The following ZNF462 variants were observed in gnomAD, a reference collection of about 807,000 sequenced individuals.
ZNF462 encodes the protein zinc finger protein 462, also known as zinc finger PBX1-interacting protein.
ZNF462 carries 10 observed loss-of-function variants against 201.9 expected under a neutral mutation model. The observed-to-expected ratio is 0.05, with a 90% CI of 0.03 to 0.08. The LOEUF (loss-of-function observed/expected upper bound fraction) is 0.08. Among genes scored for constraint, ZNF462 ranks in the 10% least tolerant of loss-of-function variants. The pLI, the probability that ZNF462 is intolerant of heterozygous loss-of-function variation, is 1.00. For missense variants in ZNF462, 2,523 were observed against 3,168.3 expected (o/e 0.80, Z 4.89); for synonymous variants, 1,227 against 1,193.3 (o/e 1.03, Z -0.58).
chr9:106,862,302 G>A (rs576627476), upstream of ZNF462, among the ~76,000 whole-genome samples: 21 of 152,246 alleles, frequency 1.4e-4, no homozygotes, highest in African/African-American at 5.1e-4. This position sits in a 1 kb window ranked among gnomAD's most constrained non-coding sequence, Gnocchi z 4.2. Context: ...CCTCTAGATG[G>A]ATGCAAGTAA....
At chr9:106,891,489 C>T (rs1366470438) in intron 1 of ZNF462, among the ~76,000 whole-genome samples, 2 of 152,068 alleles carry the variant, frequency 1.3e-5, no homozygotes, top group African/African-American at 2.4e-5. Context: ...GAGCTCCATA[C>T]GGATTGACAT....
In ZNF462 at chr9:106,905,254, C is replaced by A. The variant is rs928299584; in HGVS notation, c.-30-18100C>A. Among the ~76,000 whole-genome samples, 2 of 152,180 alleles carry A rather than the reference C, an allele frequency of 1.3e-5. No individual in the cohort carries two copies. Among genetic ancestry groups the A allele is most frequent in the African/African-American group, 4.8e-5 (2 of 41,448 alleles). ...AACAGGCTGGTTGGGGGTTTCTGCA[C>A]AGAGTCCTGTGATGTGAATTGTCTA... On this transcript the variant is annotated intron_variant, in intron 1 of 12. Coordinates refer to ENST00000277225, the MANE Select transcript of ZNF462 (RefSeq NM_021224.6). The surrounding 1 kb of genome is among the most constrained non-coding windows in gnomAD (Gnocchi z 5.9).
rs1261313949 is a variant in ZNF462, at chr9:106,954,937, G to A, written c.6427+15830G>A. Among the ~76,000 whole-genome samples the A allele has an allele frequency of 6.6e-6, 1 of 152,114 alleles. No homozygotes were observed. Among genetic ancestry groups the A allele is most frequent in the African/African-American group, 2.4e-5 (1 of 41,432 alleles). ...GCTTCCTTCCTAGAGTAGATGTCCT[G>A]TAAATGTAAAATGAAAATTTGTTGT... On this transcript the variant is annotated intron_variant, in intron 7 of 12. Coordinates refer to ENST00000277225, the MANE Select transcript of ZNF462 (RefSeq NM_021224.6). This position sits in a 1 kb window ranked among gnomAD's most constrained non-coding sequence, Gnocchi z 4.0.
chr9:106,934,889 AG>A (rs1379560441), intron 5 of ZNF462, among the ~76,000 whole-genome samples: 1 of 152,166 alleles, frequency 6.6e-6, no homozygotes, highest in African/African-American at 2.4e-5. Flanking sequence ...GTGTATCAGA[AG>A]GGATGTGCGG....
rs771750190 is a variant in ZNF462 at position 106,971,372 on chromosome 9, A to ACAACAAC, written c.6428-633_6428-632insCAACAAC. On this transcript the variant is annotated intron_variant, in intron 7 of 12. Transcript: ENST00000277225. Reference sequence around the variant, plus strand: ...GCCATGCTGCGATTTCCTTTAAAAAAAAAAACAACAACAACAAAATAAAAC... The same window carrying ACAACAAC: ...GCCATGCTGCGATTTCCTTTAAAAAACAACAACAAAAACAACAACAACAAAATAAAAC... 8.9e-3 allele frequency among the ~76,000 whole-genome samples: 1,245 copies of ACAACAAC among 139,554 alleles called. 8 individuals carry two copies. Among genetic ancestry groups the ACAACAAC allele is most frequent in the African/African-American group, 0.031 (1,089 of 35,428 alleles). 91.6% of individuals were successfully genotyped at this position (139,554 alleles called of 152,430 possible). A position where few individuals can be genotyped will look rare whatever the true frequency, so the allele number is the denominator to read the frequency against.
intron 1 of ZNF462, among the ~76,000 whole-genome samples, chr9:106,911,390 T>C (rs1054373818): frequency 2.6e-5 from 4 of 152,170 alleles, no homozygotes; most frequent in Admixed American, 2.0e-4. Flanking sequence ...CTGTTCTAGC[T>C]GGTGGTCTCA....
At position 106,984,514 on chromosome 9, in the gene ZNF462, T is replaced by C; in HGVS notation, c.7056+105T>C. On this transcript the variant is annotated intron_variant, in intron 10 of 12. Transcript: ENST00000277225. The surrounding 1 kb of genome is among the most constrained non-coding windows in gnomAD (Gnocchi z 6.4). The stretch of plus-strand genomic sequence containing the variant: ...ACGACCACTGTGTACCAGATGGAGA[T>C]GTGGACTCAAAGAGCTTTTAAAGTG... 1.1e-6 allele frequency: 1 copy of C among 871,798 alleles called. No individual in the cohort carries two copies. The allele number at this position is 871,798 out of a possible 1,614,324, so 54.0% of individuals were successfully genotyped here.
At position 106,929,136 on chromosome 9, in the gene ZNF462, A is replaced by G; in HGVS notation, c.5224A>G (p.Lys1742Glu). The G allele has an allele frequency of 1.2e-6, 2 of 1,614,016 alleles. No homozygotes were observed. Among genetic ancestry groups the G allele is most frequent in the Non-Finnish European group, 1.7e-6 (2 of 1,179,990 alleles). ...ASRTISDKPNKVIIPSPPKDD... is the reference protein window; with the variant it reads ...ASRTISDKPNEVIIPSPPKDD... ...CAGGACCATCAGCGACAAGCCCAAC[A>G]AAGTGATCATCCCATCCCCGCCCAA... Residue 1742 changes from lysine (K) to glutamate (E), a missense_variant, in exon 3 of 13, where the codon AAA becomes GAA. By Grantham distance (56) the Lys-to-Glu change is moderately conservative. Around this residue, in one of 15 missense-constraint regions of ZNF462, gnomAD observed 207 missense variants for 231.6 expected, o/e 0.89. Coordinates refer to ENST00000277225, the MANE Select transcript of ZNF462 (RefSeq NM_021224.6). The surrounding 1 kb of genome is among the most constrained non-coding windows in gnomAD (Gnocchi z 8.7).
Position 107,009,809 on chromosome 9 carries a change from A to G in ZNF462, c.7313+141A>G. 1 of 1,263,948 alleles carries G rather than the reference A, an allele frequency of 7.9e-7. No individual in the cohort carries two copies. Among genetic ancestry groups the G allele is most frequent in the Non-Finnish European group, 1.1e-6 (1 of 934,476 alleles). 78.3% of individuals were successfully genotyped at this position (1,263,948 alleles called of 1,614,324 possible). ...GGCCGTGGGAGGAGAGGCAATGGTG[A>G]GGAACCAAGTTTCTCCTTTTCTGTT... On this transcript the variant is annotated intron_variant, in intron 12 of 12. Transcript: ENST00000277225. The surrounding 1 kb of genome is among the most constrained non-coding windows in gnomAD (Gnocchi z 6.1).
In ZNF462 at chr9:106,964,093, T is replaced by G. The variant is rs148209321; in HGVS notation, c.6428-7912T>G. ...CATGTTGATGAACACTTAGGTTGCT[T>G]CTACCTCCTGGCTATTGTAACTAAT... On this transcript the variant is annotated intron_variant, in intron 7 of 12. Coordinates refer to ENST00000277225, the MANE Select transcript of ZNF462 (RefSeq NM_021224.6). Among the ~76,000 whole-genome samples the G allele has an allele frequency of 1.3e-4, 20 of 152,062 alleles. No individual in the cohort carries two copies. In the East Asian group the frequency reaches 3.9e-3, roughly 29 times the overall value.
intron 10 of ZNF462, among the ~76,000 whole-genome samples, chr9:106,986,547 G>A (rs2132305205): frequency 6.6e-6 from 1 of 152,280 alleles, no homozygotes; most frequent in South Asian, 2.1e-4. Flanking sequence ...AATGGCAGCT[G>A]TGTTCCCAAA....
At chr9:106,943,878 G>A (rs1169838730) in intron 7 of ZNF462, among the ~76,000 whole-genome samples, 1 of 152,038 alleles carries the variant, frequency 6.6e-6, no homozygotes, top group Admixed American at 6.6e-5. Flanking sequence ...TTCCATTTAA[G>A]AGGCAGATCA....
rs35407666 is a variant in ZNF462 at position 106,913,605 on chromosome 9, C to CTT, written c.-30-9738_-30-9737dup. ...CAGAGGTCACATGCTAAAGACTTAA[C>CTT]TTTTTTTTTTTTGAGACAATCTCAT... is the stretch of plus-strand genomic sequence containing the variant. On this transcript the variant is annotated intron_variant, in intron 1 of 12. Transcript: ENST00000277225. This position sits in a 1 kb window ranked among gnomAD's most constrained non-coding sequence, Gnocchi z 4.1. Among the ~76,000 whole-genome samples, 37 of 136,010 alleles carry CTT rather than the reference C, an allele frequency of 2.7e-4. No homozygotes were observed. In the East Asian group the frequency reaches 5.8e-3, roughly 21 times the overall value. 89.2% of individuals were successfully genotyped at this position (136,010 alleles called of 152,430 possible).
chr9:106,927,587 G>A lies in ZNF462; in HGVS notation c.3675G>A (p.Val1225=). 1 of 1,613,838 alleles carries A rather than the reference G, an allele frequency of 6.2e-7. No homozygotes were observed. The highest frequency in any genetic ancestry group is 8.5e-7 in the Non-Finnish European group (1 of 1,179,922). ...KHRDFKANAD[V]IRQHTATIRS... The stretch of plus-strand genomic sequence containing the variant: ...GAGACTTCAAGGCCAATGCAGATGT[G>A]ATCCGGCAGCATACGGCCACCATTC... Residue 1225 remains valine, a synonymous_variant, in exon 3 of 13, where the codon GTG becomes GTA. Transcript: ENST00000277225.
In ZNF462 at chr9:106,919,238, G is replaced by A. The variant is rs1016051543; in HGVS notation, c.-30-4116G>A. Among the ~76,000 whole-genome samples the A allele has an allele frequency of 6.6e-6, 1 of 152,166 alleles. No individual in the cohort carries two copies. Among genetic ancestry groups the A allele is most frequent in the African/African-American group, 2.4e-5 (1 of 41,430 alleles). On this transcript the variant is annotated intron_variant, in intron 1 of 12. Transcript: ENST00000277225. The surrounding 1 kb of genome is among the most constrained non-coding windows in gnomAD (Gnocchi z 4.5). ...AGAGCAGTGTTTGCCAAGCTGACCTGGACCAAGTGATGGTGGCGGGCCTGT... is the reference window on the plus strand; with the variant it reads ...AGAGCAGTGTTTGCCAAGCTGACCTAGACCAAGTGATGGTGGCGGGCCTGT...
At chr9:106,922,674 G>A (rs1830034213) in intron 1 of ZNF462, among the ~76,000 whole-genome samples, 1 of 152,150 alleles carries the variant, frequency 6.6e-6, no homozygotes, top group Non-Finnish European at 1.5e-5. Flanking sequence ...GATTGAAGAA[G>A]CTGTTAGGTT....
intron 7 of ZNF462, among the ~76,000 whole-genome samples, chr9:106,947,812 C>T (rs1831175284): frequency 6.6e-6 from 1 of 152,136 alleles, no homozygotes; most frequent in African/African-American, 2.4e-5. Flanking sequence ...AGCAAAAACA[C>T]ATACCCAAGA....
rs1829372686 is a variant in ZNF462 at position 107,003,936 on chromosome 9, T to TA, written c.7189+512dup. On this transcript the variant is annotated intron_variant, in intron 11 of 12. Coordinates refer to ENST00000277225, the MANE Select transcript of ZNF462 (RefSeq NM_021224.6). This position sits in a 1 kb window ranked among gnomAD's most constrained non-coding sequence, Gnocchi z 4.4. Reference sequence around the variant, plus strand: ...CCCCTTTGTGCTCTGACTTGCTTTGTAAGGAGAGAGAAAGAGAGACCACCT... The same window carrying TA: ...CCCCTTTGTGCTCTGACTTGCTTTGTAAAGGAGAGAGAAAGAGAGACCACCT... 6.6e-6 allele frequency among the ~76,000 whole-genome samples: 1 copy of TA among 152,100 alleles called. No individual in the cohort carries two copies. Among genetic ancestry groups the TA allele is most frequent in the African/African-American group, 2.4e-5 (1 of 41,422 alleles).
chr9:107,010,902 T>C lies in ZNF462; in HGVS notation c.7393T>C (p.Ser2465Pro). ...CATGGAGAACAGTGTTAAAATGCCC[T>C]CCATAGAGGAAAAGGAAGATGACGA... is the stretch of plus-strand genomic sequence containing the variant. ...EIMENSVKMP[S>P]IEEKEDDEAI... The change falls in exon 13 of 13, where the codon TCC becomes CCC. Residue 2465 changes from serine to proline, a missense_variant. By Grantham distance (74) the Ser-to-Pro change is moderately conservative (BLOSUM62 -1). Coordinates refer to ENST00000277225, the MANE Select transcript of ZNF462 (RefSeq NM_021224.6). This position sits in a 1 kb window ranked among gnomAD's most constrained non-coding sequence, Gnocchi z 4.6. 1 of 1,613,618 alleles carries C rather than the reference T, an allele frequency of 6.2e-7. No homozygotes were observed. The highest frequency in any genetic ancestry group is 8.5e-7 in the Non-Finnish European group (1 of 1,179,846).
Sources: allele counts gnomAD v4.1 joint callset (sites outside exome capture counted in the v4.1 genomes callset), GRCh38; gene constraint gnomAD v4.1.1; regional missense constraint gnomAD v4.1.1; non-coding constraint Gnocchi (gnomAD v3.1); transcripts MANE v1.5; gene names NCBI Gene and HGNC (gene_info 2026-07-23, HGNC 2026-07-21).